Variants in RHBDL3 observed in about 807,000 individuals in gnomAD.
The protein encoded by RHBDL3 is rhomboid-related protein 3.
RHBDL3 carries 28 observed loss-of-function variants against 48.2 expected under a neutral mutation model. That is an observed-to-expected ratio of 0.58 (90% CI 0.43 to 0.80). RHBDL3 has a LOEUF of 0.80. Ranked by LOEUF, RHBDL3 falls within the 30% of genes least tolerant of loss-of-function variation. The pLI, the probability that RHBDL3 is intolerant of heterozygous loss-of-function variation, is 0.00. For missense variants in RHBDL3, 464 were observed against 542.7 expected (o/e 0.85, Z 1.44); for synonymous variants, 208 against 232.3 (o/e 0.90, Z 0.95).
intron 3 of RHBDL3, among the ~76,000 whole-genome samples, chr17:32,287,963 ATG>A (rs1567771669): frequency 6.6e-6 from 1 of 152,218 alleles, no homozygotes; most frequent in East Asian, 1.9e-4. Flanking sequence ...TCTACCCAGT[ATG>A]TGTCAGAGAA....
At chr17:32,286,318 T>C (rs2040197401) in intron 3 of RHBDL3, among the ~76,000 whole-genome samples, 1 of 152,236 alleles carries the variant, frequency 6.6e-6, no homozygotes, top group South Asian at 2.1e-4. Flanking sequence ...TACTTGTTAC[T>C]GCTGGGATTT....
intron 7 of RHBDL3, among the ~76,000 whole-genome samples, chr17:32,307,941 C>T (rs963623934): frequency 6.6e-6 from 1 of 152,034 alleles, no homozygotes; most frequent in Admixed American, 6.6e-5. Flanking sequence ...GGTGAACAAG[C>T]TCAACTGAAA....
intron 2 of RHBDL3, 37 bp from the exon 3 acceptor site, chr17:32,284,622 G>T (rs756926572): frequency 1.2e-6 from 2 of 1,606,294 alleles, no homozygotes; most frequent in Non-Finnish European, 1.7e-6. Flanking sequence ...AGGAGGTGGT[G>T]CCCTGCTGAC....
intron 6 of RHBDL3, among the ~76,000 whole-genome samples, chr17:32,304,756 G>A (rs1453162236): frequency 6.6e-6 from 1 of 152,054 alleles, no homozygotes; most frequent in Non-Finnish European, 1.5e-5. Flanking sequence ...TTTTACTTTG[G>A]GCAGGACACT....
intron 2 of RHBDL3, among the ~76,000 whole-genome samples, chr17:32,281,405 G>A (rs1244615040): frequency 6.6e-6 from 1 of 152,068 alleles, no homozygotes; most frequent in East Asian, 1.9e-4. Context: ...TGCTCCCAGG[G>A]CACGCAAAGT....
At chr17:32,277,314 T>C (rs2039936278) in intron 2 of RHBDL3, among the ~76,000 whole-genome samples, 1 of 152,248 alleles carries the variant, frequency 6.6e-6, no homozygotes, top group African/African-American at 2.4e-5. Context: ...AAAATGCAGC[T>C]GGTGAAAATC....
intron 7 of RHBDL3, among the ~76,000 whole-genome samples, chr17:32,310,374 G>C (rs949402781): frequency 3.3e-5 from 5 of 151,978 alleles, no homozygotes; most frequent in Admixed American, 6.6e-5. Context: ...GAGGTCAGGA[G>C]ATCAAGACCA....
In RHBDL3 at chr17:32,281,632, T is replaced by A. The variant is rs190843780; in HGVS notation, c.136-3027T>A. Among the ~76,000 whole-genome samples the A allele has an allele frequency of 2.0e-4, 31 of 152,194 alleles. 1 individual carries two copies. The highest frequency in any genetic ancestry group is 7.2e-4 in the African/African-American group (30 of 41,522). On this transcript the variant is annotated intron_variant, in intron 2 of 8. Coordinates refer to ENST00000269051, the MANE Select transcript of RHBDL3 (RefSeq NM_138328.3). The stretch of plus-strand genomic sequence containing the variant: ...GGTTGGCACAGGTGGCTTGTAGAGA[T>A]GGGAGGGGTCCCAGGCACCAAAGAA...
intron 4 of RHBDL3, 91 bp from the exon 5 acceptor site, chr17:32,294,203 C>T: frequency 9.5e-7 from 1 of 1,047,284 alleles, no homozygotes. Context: ...AAGGTGATAA[C>T]TTCCTGTAGG....
In RHBDL3 at chr17:32,322,334, C is replaced by G. The variant is rs925846637; in HGVS notation, c.*1105C>G. 6.6e-6 allele frequency: 1 copy of G among 152,512 alleles called. No homozygotes were observed. The highest frequency in any genetic ancestry group is 2.4e-5 in the African/African-American group (1 of 41,436). 9.4% of individuals were successfully genotyped at this position (152,512 alleles called of 1,614,324 possible). On this transcript the variant is annotated 3_prime_UTR_variant, in exon 9 of 9. Coordinates refer to ENST00000269051, the MANE Select transcript of RHBDL3 (RefSeq NM_138328.3). ...ATCTCCTGTCCCTTCCACACCTGCC[C>G]CTGAGCATCACTGACCGGTGGCAGA... is the stretch of plus-strand genomic sequence containing the variant.
chr17:32,268,934 G>T (rs1367787881), intron 2 of RHBDL3, among the ~76,000 whole-genome samples: 1 of 152,192 alleles, frequency 6.6e-6, no homozygotes, highest in Admixed American at 6.5e-5. Flanking sequence ...AGGCAAGAAG[G>T]TGACAGTGAG....
At chr17:32,311,333 G>A (rs1478421048) in intron 7 of RHBDL3, among the ~76,000 whole-genome samples, 3 of 152,206 alleles carry the variant, frequency 2.0e-5, no homozygotes, top group Non-Finnish European at 4.4e-5. Flanking sequence ...TTATTGGCGG[G>A]AATATTGGAT....
chr17:32,310,490 G>A (rs185386874), intron 7 of RHBDL3, among the ~76,000 whole-genome samples: 177 of 152,060 alleles, frequency 1.2e-3, no homozygotes, highest in African/African-American at 2.1e-3. Flanking sequence ...TGAGGCAGGC[G>A]GATCACAAGG....
intron 3 of RHBDL3, among the ~76,000 whole-genome samples, chr17:32,286,765 C>T (rs1260692879): frequency 6.6e-6 from 1 of 152,188 alleles, no homozygotes; most frequent in African/African-American, 2.4e-5. Flanking sequence ...AGCTGAGCAA[C>T]CCGGGTAGTC....
At position 32,266,009 on chromosome 17, in the gene RHBDL3, A is replaced by G. The variant is rs2039618430; in HGVS notation, c.-181A>G. ...AGGGGCCGGGCGTCCCGGGGTCGCG[A>G]GGAGGCGGCGGCGGCGCGGGGACCG... On this transcript the variant is annotated 5_prime_UTR_variant, in exon 1 of 9. Coordinates refer to ENST00000269051, the MANE Select transcript of RHBDL3 (RefSeq NM_138328.3). Among the ~76,000 whole-genome samples, 1 of 143,112 alleles carries G rather than the reference A, an allele frequency of 7.0e-6. No individual in the cohort carries two copies. Among genetic ancestry groups the G allele is most frequent in the Non-Finnish European group, 1.5e-5 (1 of 64,830 alleles). The allele number at this position is 143,112 out of a possible 152,430, so 93.9% of individuals were successfully genotyped here.
chr17:32,285,328 G>A (rs927920916), intron 3 of RHBDL3, among the ~76,000 whole-genome samples: 4 of 152,172 alleles, frequency 2.6e-5, no homozygotes, highest in Non-Finnish European at 5.9e-5. Flanking sequence ...AGCTGAGAGT[G>A]GGGTCAGTTA....
rs2041203944 is a variant in RHBDL3, at chr17:32,324,096, A to C, written c.*2867A>C. Reference sequence around the variant, plus strand: ...TGGCCTTTTATCCACAGGATACAGAAACTGAAAGCTGGGGAATCCCCAAAC... The same window carrying C: ...TGGCCTTTTATCCACAGGATACAGACACTGAAAGCTGGGGAATCCCCAAAC... On this transcript the variant is annotated 3_prime_UTR_variant, in exon 9 of 9. Transcript: ENST00000269051. The C allele has an allele frequency of 1.3e-5, 2 of 152,326 alleles. No individual in the cohort carries two copies. Among genetic ancestry groups the C allele is most frequent in the African/African-American group, 2.4e-5 (1 of 41,442 alleles). The allele number at this position is 152,326 out of a possible 1,614,324, so 9.4% of individuals were successfully genotyped here.
rs749611625 is a variant in RHBDL3, at chr17:32,321,152, G to A, written c.1138G>A (p.Val380Ile). The A allele has an allele frequency of 1.4e-5, 23 of 1,614,194 alleles. No individual in the cohort carries two copies. Among genetic ancestry groups the A allele is most frequent in the South Asian group, 3.3e-5 (3 of 91,090 alleles). The stretch of plus-strand genomic sequence containing the variant: ...GTGGATTTTTGTGGCCATGTACACC[G>A]TCTTCGTGCTGTTCGCTGTCTTCTG... Reference protein sequence around the residue: ...LWWIFVAMYTVFVLFAVFWNI... With the variant: ...LWWIFVAMYTIFVLFAVFWNI... Residue 380 changes from valine to isoleucine, a missense_variant, in exon 9 of 9, where the codon GTC becomes ATC. Coordinates refer to ENST00000269051, the MANE Select transcript of RHBDL3 (RefSeq NM_138328.3).
intron 7 of RHBDL3, among the ~76,000 whole-genome samples, chr17:32,307,073 A>T (rs541881291): frequency 2.6e-5 from 4 of 152,314 alleles, no homozygotes; most frequent in Middle Eastern, 3.4e-3. Flanking sequence ...GAAGGCCAGA[A>T]ATTGGGATCT....
Sources: allele counts gnomAD v4.1 joint callset (sites outside exome capture counted in the v4.1 genomes callset), GRCh38; gene constraint gnomAD v4.1.1; transcripts MANE v1.5; gene names NCBI Gene and HGNC (gene_info 2026-07-23, HGNC 2026-07-21).